DPY19L2: variants seen among roughly 807,000 people sequenced by gnomAD.
DPY19L2 encodes the protein probable C-mannosyltransferase DPY19L2.
A neutral mutation model predicts 97.9 loss-of-function variants in DPY19L2; 34 were observed. The observed-to-expected ratio is 0.35, with a 90% confidence interval of 0.26 to 0.46. The LOEUF is 0.46. Ranked by LOEUF, DPY19L2 falls within the 20% of genes least tolerant of loss-of-function variation. DPY19L2 has a pLI of 1.00. For synonymous variants in DPY19L2, 230 were observed against 307.9 expected (o/e 0.75, Z 2.65); for missense variants, 623 against 911.4 (o/e 0.68, Z 4.07).
intron 4 of DPY19L2, chr12:63,660,809 A>G (rs1895581018): frequency 6.6e-6 from 1 of 152,164 alleles, no homozygotes; most frequent in Non-Finnish European, 1.5e-5. Context: ...ATTTATCTTG[A>G]GTTCACAAAC....
At chr12:63,565,210 T>C (rs1398690166) in intron 21 of DPY19L2, among the ~76,000 whole-genome samples, 2 of 152,190 alleles carry the variant, frequency 1.3e-5, no homozygotes, top group Non-Finnish European at 2.9e-5. Flanking sequence ...TAGAGCTATA[T>C]TCGTTTCCTA....
rs1326179575 is a variant in DPY19L2, at chr12:63,569,276, A to C, written c.2074T>G (p.Leu692Val). Residue 692 changes from leucine to valine, a missense_variant, in exon 21 of 22, where the codon TTA becomes GTA. Around this residue, in one of 6 missense-constraint regions of DPY19L2, gnomAD observed 294 missense variants for 446.2 expected, o/e 0.66. Coordinates refer to ENST00000324472, the MANE Select transcript of DPY19L2 (RefSeq NM_173812.5). ...TCTAAAACATAATAATTCACATGTA[A>C]CTCCAACAATTTATCTCTTACTTCT... ...AKEVRDKLLE[L>V]HVNYYVLEEA... 6.2e-7 allele frequency: 1 copy of C among 1,602,078 alleles called. No homozygotes were observed. Among genetic ancestry groups the C allele is most frequent in the Non-Finnish European group, 8.5e-7 (1 of 1,175,604 alleles).
rs573645161 is a variant in DPY19L2, at chr12:63,641,365, G to T, written c.803+3038C>A. Among the ~76,000 whole-genome samples the T allele has an allele frequency of 3.9e-5, 6 of 151,960 alleles. No homozygotes were observed. The South Asian group carries it at 1.0e-3, about 26-fold the overall frequency. Reference sequence around the variant, plus strand: ...CTAGCTCATAGATCTATTGTAAAAGGAACGTCCATGTAGTCGCCATATAAT... The same window carrying T: ...CTAGCTCATAGATCTATTGTAAAAGTAACGTCCATGTAGTCGCCATATAAT... On this transcript the variant is annotated intron_variant, in intron 6 of 21. Coordinates refer to ENST00000324472, the MANE Select transcript of DPY19L2 (RefSeq NM_173812.5).
chr12:63,568,432 C>T (rs1478040393), intron 21 of DPY19L2, among the ~76,000 whole-genome samples: 11 of 151,972 alleles, frequency 7.2e-5, no homozygotes, highest in Middle Eastern at 3.4e-3. Flanking sequence ...TTTCTTAAGC[C>T]TTTGAATGTA....
intron 15 of DPY19L2, among the ~76,000 whole-genome samples, chr12:63,595,264 A>G (rs2137516470): frequency 6.6e-6 from 1 of 152,300 alleles, no homozygotes; most frequent in Non-Finnish European, 1.5e-5. Context: ...TACAATAAAT[A>G]CATACTGGCT....
chr12:63,639,470 C>T (rs563790479), intron 6 of DPY19L2, among the ~76,000 whole-genome samples: 2 of 152,034 alleles, frequency 1.3e-5, no homozygotes, highest in Admixed American at 1.3e-4. Flanking sequence ...GGCTAATATC[C>T]AGAATCTGCA....
chr12:63,668,664 G>C, upstream of DPY19L2: 1 of 466,220 alleles, frequency 2.1e-6, no homozygotes, highest in Non-Finnish European at 3.9e-6. Context: ...GCAGCTTCCG[G>C]TGAGGGCAGC....
chr12:63,584,863 G>C (rs1881513589), intron 16 of DPY19L2, among the ~76,000 whole-genome samples: 2 of 152,186 alleles, frequency 1.3e-5, no homozygotes, highest in Admixed American at 6.5e-5. Flanking sequence ...TCTACGGTAA[G>C]AACAAATCTA....
intron 6 of DPY19L2, among the ~76,000 whole-genome samples, chr12:63,631,000 A>C (rs1008326247): frequency 2.6e-4 from 39 of 152,188 alleles, no homozygotes; most frequent in Admixed American, 2.3e-3. Context: ...GCAGGAATAA[A>C]GATGTTCTTT....
chr12:63,589,357 CAAAAAAAAAAA>C (rs71086687), intron 16 of DPY19L2, among the ~76,000 whole-genome samples: 716 of 18,802 alleles, frequency 0.038, 8 homozygotes, highest in African/African-American at 0.079. Context: ...AAATGTGTTG[CAAAAAAAAAAA>C]AAAAAAAAAA....
chr12:63,667,567 G>A (rs1896474447), intron 1 of DPY19L2, among the ~76,000 whole-genome samples: 1 of 152,044 alleles, frequency 6.6e-6, no homozygotes. Flanking sequence ...CTGAAACAAA[G>A]ACCATTAGAC....
intron 17 of DPY19L2, 91 bp downstream of exon 17, chr12:63,583,721 G>A: frequency 4.0e-6 from 5 of 1,261,852 alleles, no homozygotes; most frequent in Admixed American, 1.9e-5. Context: ...ACTACTGAAG[G>A]TGCATCAGCA....
chr12:63,628,962 G>C (rs1421361255), intron 6 of DPY19L2, among the ~76,000 whole-genome samples: 5 of 151,856 alleles, frequency 3.3e-5, no homozygotes, highest in Admixed American at 6.6e-5. Flanking sequence ...ACAGGGTCTG[G>C]AGTGGACCTC....
chr12:63,646,474 T>A (rs1217078721), intron 5 of DPY19L2, among the ~76,000 whole-genome samples: 2 of 152,178 alleles, frequency 1.3e-5, no homozygotes, highest in Non-Finnish European at 2.9e-5. Flanking sequence ...ATTTAGTTTA[T>A]ATCCCAAGAG....
chr12:63,631,955 G>A (rs1328464627), intron 6 of DPY19L2, among the ~76,000 whole-genome samples: 2 of 151,976 alleles, frequency 1.3e-5, no homozygotes, highest in Admixed American at 6.6e-5. Flanking sequence ...CAGAACCAAC[G>A]TCAAAAACCA....
chr12:63,615,855 T>C (rs1333439547), intron 11 of DPY19L2, among the ~76,000 whole-genome samples: 1 of 151,994 alleles, frequency 6.6e-6, no homozygotes, highest in Non-Finnish European at 1.5e-5. Flanking sequence ...TGCCACATAA[T>C]ACATAACACA....
intron 6 of DPY19L2, among the ~76,000 whole-genome samples, chr12:63,631,089 G>T (rs1890540694): frequency 6.6e-6 from 1 of 152,034 alleles, no homozygotes; most frequent in African/African-American, 2.4e-5. Context: ...GAAATTTATA[G>T]CACTAAATGC....
rs559746621 is a variant in DPY19L2 at position 63,630,875 on chromosome 12, C to T, written c.804-4349G>A. ...AAATTATAACAAACTGTCTCTCAGACGGCAGTGCAATCAAACTAGAACTCA... is the reference window on the plus strand; with the variant it reads ...AAATTATAACAAACTGTCTCTCAGATGGCAGTGCAATCAAACTAGAACTCA... On this transcript the variant is annotated intron_variant, in intron 6 of 21. Transcript: ENST00000324472. Among the ~76,000 whole-genome samples the T allele has an allele frequency of 1.7e-3, 254 of 152,258 alleles. 1 individual carries two copies. Among genetic ancestry groups the T allele is most frequent in the African/African-American group, 5.0e-3 (208 of 41,550 alleles).
chr12:63,598,398 G>A (rs1399397970), intron 13 of DPY19L2, among the ~76,000 whole-genome samples: 2 of 152,092 alleles, frequency 1.3e-5, no homozygotes, highest in Non-Finnish European at 2.9e-5. Flanking sequence ...CATTGAATAT[G>A]AGACCTGATC....
Sources: allele counts gnomAD v4.1 joint callset (sites outside exome capture counted in the v4.1 genomes callset), GRCh38; gene constraint gnomAD v4.1.1; regional missense constraint gnomAD v4.1.1; transcripts MANE v1.5; gene names NCBI Gene and HGNC (gene_info 2026-07-23, HGNC 2026-07-21).